Variants in CEP250 observed in about 807,000 individuals in gnomAD.
CEP250 encodes centrosome-associated protein CEP250.
Under a neutral mutation model 315.7 loss-of-function variants are expected in CEP250, and 242 were observed. That is an observed-to-expected ratio of 0.77 (90% CI 0.69 to 0.85). The LOEUF is 0.85. Ranked by LOEUF, CEP250 falls within the 40% of genes least tolerant of loss-of-function variation. The probability of loss-of-function intolerance (pLI) is 0.00; values close to 1 mark genes in which losing one functional copy is unlikely to be tolerated. For synonymous variants in CEP250, 1,088 were observed against 1,175.0 expected (o/e 0.93, Z 1.51); for missense variants, 2,515 against 2,886.4 (o/e 0.87, Z 2.95).
At position 35,514,003 on chromosome 20, in the gene CEP250, C is replaced by G. The variant is rs1246702881; in HGVS notation, c.*2377C>G. 6.6e-6 allele frequency: 1 copy of G among 152,322 alleles called. No individual in the cohort carries two copies. The highest frequency in any genetic ancestry group is 1.5e-5 in the Non-Finnish European group (1 of 68,104). The allele number at this position is 152,322 out of a possible 1,614,324, so 9.4% of individuals were successfully genotyped here. A position where few individuals can be genotyped will look rare whatever the true frequency, so the allele number is the denominator to read the frequency against. The stretch of plus-strand genomic sequence containing the variant: ...GTGGATGATCTTCCACTCCGGCTTT[C>G]TAAAGTACACTTTCCTTGCCCAGTA... On this transcript the variant is annotated 3_prime_UTR_variant, in exon 35 of 35. Coordinates refer to ENST00000397527, the MANE Select transcript of CEP250 (RefSeq NM_007186.6).
In CEP250 at chr20:35,516,484, T is replaced by C. The variant is rs1469015208; in HGVS notation, c.*4858T>C. The C allele has an allele frequency of 6.6e-6, 1 of 152,254 alleles. No individual in the cohort carries two copies. The highest frequency in any genetic ancestry group is 1.5e-5 in the Non-Finnish European group (1 of 68,054). 9.4% of individuals were successfully genotyped at this position (152,254 alleles called of 1,614,324 possible). The stretch of plus-strand genomic sequence containing the variant: ...CTGTTGTATGTGGTTTGATGATTCA[T>C]GCTGGAGCCTTTGGCTATAACTCTC... On this transcript the variant is annotated 3_prime_UTR_variant, in exon 35 of 35. Transcript: ENST00000397527.
chr20:35,479,134 T>C lies in CEP250; in HGVS notation c.2095-97T>C. The C allele has an allele frequency of 2.5e-6, 3 of 1,206,292 alleles. No individual in the cohort carries two copies. The South Asian group carries it at 4.3e-5, about 17-fold the overall frequency. 74.7% of individuals were successfully genotyped at this position (1,206,292 alleles called of 1,614,324 possible). A position where few individuals can be genotyped will look rare whatever the true frequency, so the allele number is the denominator to read the frequency against. On this transcript the variant is annotated intron_variant, in intron 17 of 34. Transcript: ENST00000397527. Reference sequence around the variant, plus strand: ...AGCAATCCGGGCTCACAGAGCTGGGTCCAGAATCTCTGAAGAGGCAATGAC... The same window carrying C: ...AGCAATCCGGGCTCACAGAGCTGGGCCCAGAATCTCTGAAGAGGCAATGAC...
intron 20 of CEP250, among the ~76,000 whole-genome samples, chr20:35,487,816 A>C (rs2146993907): frequency 6.6e-6 from 1 of 152,334 alleles, no homozygotes; most frequent in African/African-American, 2.4e-5. Context: ...CATGGCTAAT[A>C]AGGGGTAGAA....
chr20:35,502,994 G>T lies in CEP250; in HGVS notation c.4625G>T (p.Arg1542Ile). The T allele has an allele frequency of 6.2e-7, 1 of 1,614,198 alleles. No homozygotes were observed. The highest frequency in any genetic ancestry group is 8.5e-7 in the Non-Finnish European group (1 of 1,180,032). Reference sequence around the variant, plus strand: ...AAAGACCAAATGATTGAGTCCCAGAGAGGACAGGTTCAGGACCTGAAAAAG... The same window carrying T: ...AAAGACCAAATGATTGAGTCCCAGATAGGACAGGTTCAGGACCTGAAAAAG... ...EKKDQMIESQ[R>I]GQVQDLKKQL... The change falls in exon 30 of 35, where the codon AGA (arginine) becomes ATA (isoleucine). Residue 1542 changes from arginine to isoleucine, a missense_variant. By Grantham distance (97) the Arg-to-Ile change is moderately conservative. Coordinates refer to ENST00000397527, the MANE Select transcript of CEP250 (RefSeq NM_007186.6).
intron 20 of CEP250, among the ~76,000 whole-genome samples, chr20:35,483,818 ATC>A (rs932899072): frequency 3.3e-5 from 5 of 151,432 alleles, no homozygotes; most frequent in African/African-American, 1.2e-4. Flanking sequence ...TTTTTTTCAG[ATC>A]TCTCATCTAG....
intron 33 of CEP250, among the ~76,000 whole-genome samples, chr20:35,509,524 T>C (rs2236164): frequency 0.34 from 52,152 of 152,066 alleles, 10,345 homozygotes; most frequent in African/African-American, 0.54. Context: ...CTCCCCAAAC[T>C]ACTCGTCTAG....
intron 4 of CEP250, 89 bp downstream of exon 4, chr20:35,462,642 C>T (rs2062781932): frequency 8.6e-7 from 1 of 1,169,140 alleles, no homozygotes; most frequent in Non-Finnish European, 1.2e-6. Flanking sequence ...GAGGCAGAGT[C>T]TTGTGGTGGG....
At chr20:35,486,452 A>T (rs1379242984) in intron 20 of CEP250, among the ~76,000 whole-genome samples, 1 of 150,302 alleles carries the variant, frequency 6.7e-6, no homozygotes, top group African/African-American at 2.5e-5. Flanking sequence ...TTTGTTGCCT[A>T]GGCTGGTCTT....
chr20:35,507,870 G>C lies in CEP250; in HGVS notation c.6750+19G>C, dbSNP rs1183613367. ...GGGAGAGGTGAGCTGGGGGCTCTGG[G>C]GGAACAGGTGACCCAGCAGGGAGCT... On this transcript the variant is annotated intron_variant, in intron 31 of 34. Coordinates refer to ENST00000397527, the MANE Select transcript of CEP250 (RefSeq NM_007186.6). The C allele has an allele frequency of 2.5e-6, 4 of 1,608,292 alleles. No individual in the cohort carries two copies. The East Asian group carries it at 8.9e-5, about 36-fold the overall frequency.
intron 8 of CEP250, 107 bp downstream of exon 8, chr20:35,467,179 G>GGGGCCCCCCC: frequency 3.7e-6 from 2 of 534,882 alleles, no homozygotes; most frequent in Non-Finnish European, 7.1e-6. Flanking sequence ...GGTGGGTGGG[G>GGGGCCCCCCC]GAGTTGGTAG....
At chr20:35,510,586 T>G (rs1423498811) in intron 34 of CEP250, among the ~76,000 whole-genome samples, 4 of 152,258 alleles carry the variant, frequency 2.6e-5, no homozygotes, top group Non-Finnish European at 5.9e-5. Context: ...GTGTTACCTT[T>G]TTATTTCTGA....
At chr20:35,475,359 A>T in intron 14 of CEP250, 143 bp from the exon 15 acceptor site, 2 of 839,168 alleles carry the variant, frequency 2.4e-6, no homozygotes, top group Admixed American at 2.5e-5. Flanking sequence ...TTTTCACTTG[A>T]CATGTCTTAG....
intron 13 of CEP250, 84 bp downstream of exon 13, chr20:35,473,636 G>C (rs1264117061): frequency 7.3e-7 from 1 of 1,376,044 alleles, no homozygotes; most frequent in Non-Finnish European, 9.8e-7. Flanking sequence ...CTCCCATCAG[G>C]TTTTTGGGGT....
rs775247520 is a variant in CEP250, at chr20:35,511,538, T to C, written c.7241T>C (p.Leu2414Pro). Residue 2414 changes from leucine to proline, a missense_variant, in exon 35 of 35, where the codon CTG becomes CCG. Leu to Pro is a moderately conservative substitution (Grantham distance 98). Transcript: ENST00000397527. Reference sequence around the variant, plus strand: ...GTCCTGGAGGCAGAGACCCGCAGGCTGGATGAGTCCCTGACTCAAAGTCTG... The same window carrying C: ...GTCCTGGAGGCAGAGACCCGCAGGCCGGATGAGTCCCTGACTCAAAGTCTG... ...ATVLEAETRR[L>P]DESLTQSLTS... The C allele has an allele frequency of 1.9e-6, 3 of 1,614,058 alleles. No homozygotes were observed. The highest frequency in any genetic ancestry group is 3.3e-5 in the Admixed American group (2 of 60,016).
chr20:35,459,565 G>A (rs1029752325), intron 2 of CEP250, among the ~76,000 whole-genome samples: 1 of 151,296 alleles, frequency 6.6e-6, no homozygotes, highest in Non-Finnish European at 1.5e-5. Context: ...GGGGGTGGCT[G>A]TCTGAAACCA....
chr20:35,488,507 G>A (rs2063586240), intron 20 of CEP250, among the ~76,000 whole-genome samples: 1 of 152,038 alleles, frequency 6.6e-6, no homozygotes, highest in Non-Finnish European at 1.5e-5. Context: ...AGGCTGGAGT[G>A]CAGTGGCGTG....
Position 35,516,952 on chromosome 20 carries a change from C to G in CEP250, c.*5326C>G. On this transcript the variant is annotated 3_prime_UTR_variant, in exon 35 of 35. Transcript: ENST00000397527. ...ACAGGTGAGCATAAGCTCAAACCCC[C>G]CCATTGAAGGCTACATTCTTGTCCC... 1.0e-6 allele frequency: 1 copy of G among 985,218 alleles called. No individual in the cohort carries two copies. The highest frequency in any genetic ancestry group is 1.7e-5 in the African/African-American group (1 of 57,352). 61.0% of individuals were successfully genotyped at this position (985,218 alleles called of 1,614,324 possible).
In CEP250 at chr20:35,512,618, T is replaced by G. The variant is rs1269490853; in HGVS notation, c.*992T>G. The G allele has an allele frequency of 1.3e-5, 2 of 152,270 alleles. No homozygotes were observed. Among genetic ancestry groups the G allele is most frequent in the African/African-American group, 2.4e-5 (1 of 41,472 alleles). 9.4% of individuals were successfully genotyped at this position (152,270 alleles called of 1,614,324 possible). ...ATGGCGGAACTTCTCACCCATGGAC[T>G]GGTCCTAGTGGAGGCTGGACAGAAC... is the stretch of plus-strand genomic sequence containing the variant. On this transcript the variant is annotated 3_prime_UTR_variant, in exon 35 of 35. Coordinates refer to ENST00000397527, the MANE Select transcript of CEP250 (RefSeq NM_007186.6).
intron 11 of CEP250, 91 bp downstream of exon 11, chr20:35,472,242 T>G: frequency 1.2e-6 from 1 of 806,134 alleles, no homozygotes; most frequent in East Asian, 2.5e-5. Context: ...ATTTCCAGTC[T>G]CTGAGGTTCG....
Sources: gnomAD v4.1 joint callset for allele counts (sites outside exome capture counted in the v4.1 genomes callset) on GRCh38, gnomAD v4.1.1 for gene constraint, MANE v1.5 for transcripts, NCBI Gene and HGNC (gene_info 2026-07-23, HGNC 2026-07-21) for gene names.